Variants in CFAP20DC observed in about 807,000 individuals in gnomAD.
CFAP20DC encodes protein CFAP20DC.
In CFAP20DC, 84 loss-of-function variants were observed where a neutral mutation model predicts 101.7. The observed-to-expected ratio is 0.83, with a 90% confidence interval of 0.69 to 0.99. The LOEUF is 0.99. Among genes scored for constraint, CFAP20DC ranks in the 50% least tolerant of loss-of-function variants. The pLI is 0.00. For missense variants in CFAP20DC, 1,007 were observed against 970.3 expected, an observed-to-expected ratio of 1.04 and a Z score of -0.50; for synonymous variants, 359 against 351.2, an observed-to-expected ratio of 1.02 and a Z score of -0.25.
At position 59,049,578 on chromosome 3, in the gene CFAP20DC, G is replaced by A. The variant is rs762290268; in HGVS notation, c.21+33C>T. ...GACTACCTCACCCAAGAGGAGAAAGGTATAGACAGGTTGGAGAACCGTTTC... is the reference window on the plus strand; with the variant it reads ...GACTACCTCACCCAAGAGGAGAAAGATATAGACAGGTTGGAGAACCGTTTC... On this transcript the variant is annotated intron_variant, in intron 1 of 16. Transcript: ENST00000482387. 3.1e-5 allele frequency: 48 copies of A among 1,530,500 alleles called. No homozygotes were observed. The Middle Eastern group carries it at 1.5e-3, about 48-fold the overall frequency. 94.8% of individuals were successfully genotyped at this position (1,530,500 alleles called of 1,614,324 possible).
intron 4 of CFAP20DC, among the ~76,000 whole-genome samples, chr3:58,982,528 A>G (rs2092597116): frequency 6.6e-6 from 1 of 152,214 alleles, no homozygotes; most frequent in East Asian, 1.9e-4. Context: ...ATGCAGCCAT[A>G]AAAAATGAAG....
intron 13 of CFAP20DC, among the ~76,000 whole-genome samples, chr3:58,848,337 G>C (rs556825406): frequency 3.9e-5 from 6 of 152,178 alleles, no homozygotes; most frequent in African/African-American, 1.4e-4. Context: ...GCTTTACAAT[G>C]CAACACCCAC....
chr3:58,900,210 G>C (rs1217738059), intron 6 of CFAP20DC, among the ~76,000 whole-genome samples: 1 of 152,144 alleles, frequency 6.6e-6, no homozygotes, highest in Non-Finnish European at 1.5e-5. Flanking sequence ...TTCTGCCAAA[G>C]GATTGTTAGC....
intron 6 of CFAP20DC, among the ~76,000 whole-genome samples, chr3:58,906,602 G>A (rs1455516998): frequency 2.6e-5 from 4 of 151,978 alleles, no homozygotes; most frequent in African/African-American, 9.7e-5. Flanking sequence ...TATTTTCATT[G>A]TTGGGAAAAT....
At chr3:58,812,890 G>A (rs2074781152) in intron 14 of CFAP20DC, among the ~76,000 whole-genome samples, 1 of 151,752 alleles carries the variant, frequency 6.6e-6, no homozygotes, top group South Asian at 2.1e-4. Context: ...TCCTCTTTGT[G>A]GAATTTTTAT....
intron 4 of CFAP20DC, among the ~76,000 whole-genome samples, chr3:58,962,068 G>A (rs1347868750): frequency 6.6e-6 from 1 of 152,054 alleles, no homozygotes; most frequent in Non-Finnish European, 1.5e-5. Context: ...CATTTAGTTT[G>A]CTGTTCTCTT....
At chr3:59,049,509 T>C (rs1700142455) in intron 1 of CFAP20DC, 102 bp downstream of exon 1, 1 of 1,105,514 alleles carries the variant, frequency 9.0e-7, no homozygotes, top group South Asian at 1.3e-5. Context: ...AAAAAGACCT[T>C]ATTATGGGGA....
At chr3:59,021,469 T>C (rs1479681303) in intron 4 of CFAP20DC, among the ~76,000 whole-genome samples, 6 of 151,912 alleles carry the variant, frequency 3.9e-5, no homozygotes, top group Admixed American at 3.9e-4. Flanking sequence ...AGCAGTGGAG[T>C]GGGTGTATCA....
chr3:58,735,413 G>A (rs1351596207), intron 3 of CFAP20DC, among the ~76,000 whole-genome samples: 1 of 152,182 alleles, frequency 6.6e-6, no homozygotes, highest in Admixed American at 6.5e-5. Context: ...TTATTGGATT[G>A]CCCACAAATG....
At chr3:58,772,168 G>A (rs1038700868) in intron 15 of CFAP20DC, among the ~76,000 whole-genome samples, 17 of 152,026 alleles carry the variant, frequency 1.1e-4, no homozygotes, top group Non-Finnish European at 1.5e-4. Context: ...TGCCTCAAGG[G>A]TCTTACACTC....
chr3:58,816,911 C>T (rs1387858982), intron 14 of CFAP20DC, among the ~76,000 whole-genome samples: 1 of 152,188 alleles, frequency 6.6e-6, no homozygotes, highest in Non-Finnish European at 1.5e-5. Flanking sequence ...TGGAAGAGAG[C>T]AGTGGTTCTC....
At chr3:59,039,694 C>A in intron 3 of CFAP20DC, 65 bp from the exon 4 acceptor site, 13 of 962,278 alleles carry the variant, frequency 1.4e-5, no homozygotes, top group Non-Finnish European at 2.0e-5. Flanking sequence ...TAAACAAACA[C>A]AATCACAAAC....
chr3:59,004,929 C>T (rs1345195059), intron 4 of CFAP20DC, among the ~76,000 whole-genome samples: 3 of 152,192 alleles, frequency 2.0e-5, no homozygotes, highest in Non-Finnish European at 2.9e-5. Flanking sequence ...TTCCTAACTA[C>T]CTATGTAACC....
intron 15 of CFAP20DC, among the ~76,000 whole-genome samples, chr3:58,774,778 T>C (rs2071169704): frequency 6.6e-6 from 1 of 152,258 alleles, no homozygotes; most frequent in Non-Finnish European, 1.5e-5. Flanking sequence ...TCAAAATATC[T>C]AATACAAGAT....
chr3:58,738,460 T>C (rs1418700522), downstream of CFAP20DC, among the ~76,000 whole-genome samples: 1 of 152,198 alleles, frequency 6.6e-6, no homozygotes, highest in Non-Finnish European at 1.5e-5. This position sits in a 1 kb window ranked among gnomAD's most constrained non-coding sequence, Gnocchi z 4.4. Flanking sequence ...TGTTCCTGCA[T>C]TAGTTTGCTG....
Position 58,732,122 on chromosome 3 carries a change from C to T in CFAP20DC, c.198-14494G>A, listed in dbSNP as rs993274640. On this transcript the variant is annotated intron_variant, in intron 3 of 3. Transcript: ENST00000486145. The surrounding 1 kb of genome is among the most constrained non-coding windows in gnomAD (Gnocchi z 5.4). ...CAATAAAGATGATGAGGACAATCAT[C>T]AAGAGAGTCATTTCAACTCAGTGGT... 1.8e-4 allele frequency among the ~76,000 whole-genome samples: 27 copies of T among 152,270 alleles called. No individual in the cohort carries two copies. Among genetic ancestry groups the T allele is most frequent in the African/African-American group, 5.3e-4 (22 of 41,558 alleles).
intron 5 of CFAP20DC, among the ~76,000 whole-genome samples, chr3:58,929,872 A>G (rs1276771052): frequency 2.6e-5 from 4 of 152,082 alleles, no homozygotes; most frequent in Non-Finnish European, 4.4e-5. Context: ...CACGCTCCCT[A>G]AATACTTTCC....
At chr3:58,924,920 G>A (rs968758508) in intron 5 of CFAP20DC, among the ~76,000 whole-genome samples, 1 of 151,384 alleles carries the variant, frequency 6.6e-6, no homozygotes, top group South Asian at 2.1e-4. Context: ...TTTTTAATGG[G>A]GTTATTTGTT....
intron 15 of CFAP20DC, among the ~76,000 whole-genome samples, chr3:58,792,414 A>G (rs1335864291): frequency 1.3e-5 from 2 of 152,140 alleles, no homozygotes. Flanking sequence ...CCCAAGCCTT[A>G]CATTAGGTTT....
Sources: gnomAD v4.1 joint callset for allele counts (sites outside exome capture counted in the v4.1 genomes callset) on GRCh38, gnomAD v4.1.1 for gene constraint, Gnocchi (gnomAD v3.1) non-coding constraint, MANE v1.5 for transcripts, NCBI Gene and HGNC (gene_info 2026-07-23, HGNC 2026-07-21) for gene names.